The following CCL28 variants were observed in gnomAD, a reference collection of about 807,000 sequenced individuals.
The protein encoded by CCL28 is C-C motif chemokine ligand 28.
CCL28 carries 4 observed loss-of-function variants against 7.1 expected under a neutral mutation model. The observed-to-expected ratio is 0.56, with a 90% CI of 0.28 to 1.29. The LOEUF (loss-of-function observed/expected upper bound fraction) is 1.29. CCL28 is among the 50% of genes most tolerant of loss of function. The probability of loss-of-function intolerance (pLI) is 0.11; values close to 1 mark genes in which losing one functional copy is unlikely to be tolerated. For synonymous variants in CCL28, 55 were observed against 57.8 expected, an observed-to-expected ratio of 0.95 and a Z score of 0.22; for missense variants, 151 against 163.4, an observed-to-expected ratio of 0.92 and a Z score of 0.41.
At chr5:43,406,774 T>C (rs951417977) in intron 1 of CCL28, among the ~76,000 whole-genome samples, 1 of 152,242 alleles carries the variant, frequency 6.6e-6, no homozygotes, top group African/African-American at 2.4e-5. Context: ...CTCCTTAAGC[T>C]GATAAGCAAC....
In CCL28 at chr5:43,382,840, T is replaced by C. The variant is rs147036258; in HGVS notation, c.192-788A>G. 6.5e-3 allele frequency among the ~76,000 whole-genome samples: 986 copies of C among 152,148 alleles called. 4 individuals are homozygous for C. Among genetic ancestry groups the C allele is most frequent in the African/African-American group, 0.01 (432 of 41,516 alleles). Reference sequence around the variant, plus strand: ...TTCTTTTTTTTTGTTTTTGGTGAGATGGAGTTTTGCTCTTGTCACCCAGGC... The same window carrying C: ...TTCTTTTTTTTTGTTTTTGGTGAGACGGAGTTTTGCTCTTGTCACCCAGGC... On this transcript the variant is annotated intron_variant, in intron 2 of 2. Coordinates refer to ENST00000361115, the MANE Select transcript of CCL28 (RefSeq NM_148672.3).
intron 1 of CCL28, among the ~76,000 whole-genome samples, chr5:43,399,470 G>A (rs1740943271): frequency 6.6e-6 from 1 of 152,152 alleles, no homozygotes; most frequent in African/African-American, 2.4e-5. Context: ...TCTTTTGACT[G>A]TAAGCTCCCA....
At chr5:43,404,401 C>T (rs1027748326) in intron 1 of CCL28, among the ~76,000 whole-genome samples, 2 of 152,114 alleles carry the variant, frequency 1.3e-5, no homozygotes. Context: ...TCATATCCAC[C>T]CAAACTAAGC....
At chr5:43,362,345 T>C in the CCL28 span, among the ~76,000 whole-genome samples, 2 of 152,202 alleles carry the variant, frequency 1.3e-5, no homozygotes, top group East Asian at 3.8e-4. Flanking sequence ...TTTTGTGTCC[T>C]GAAACTGCTG....
downstream of CCL28, among the ~76,000 whole-genome samples, chr5:43,378,123 G>A (rs995082702): frequency 3.0e-5 from 4 of 133,358 alleles, no homozygotes; most frequent in South Asian, 2.3e-4. Flanking sequence ...TGGGAGGATC[G>A]CTTAAGCCCA....
In CCL28 at chr5:43,379,264, T is replaced by C. The variant is rs1354234779; in HGVS notation, c.*2596A>G. On this transcript the variant is annotated 3_prime_UTR_variant, in exon 3 of 3. Coordinates refer to ENST00000361115, the MANE Select transcript of CCL28 (RefSeq NM_148672.3). ...ATTTAAAATGGAAAATAATTCAAGT[T>C]GTTAGTTGAAAGAATTAGACACCAG... 1 of 152,030 alleles carries C rather than the reference T, an allele frequency of 6.6e-6. No homozygotes were observed. The highest frequency in any genetic ancestry group is 1.9e-4 in the East Asian group (1 of 5,204). The allele number at this position is 152,030 out of a possible 1,614,324, so 9.4% of individuals were successfully genotyped here.
At chr5:43,409,770 T>C (rs1283390122) in intron 1 of CCL28, among the ~76,000 whole-genome samples, 1 of 152,028 alleles carries the variant, frequency 6.6e-6, no homozygotes. Context: ...TTAATCTTAA[T>C]GTACAATAAA....
At chr5:43,409,845 GGAT>G (rs1344813324) in intron 1 of CCL28, among the ~76,000 whole-genome samples, 2 of 152,074 alleles carry the variant, frequency 1.3e-5, no homozygotes, top group Non-Finnish European at 2.9e-5. Flanking sequence ...CACCGAAACA[GGAT>G]GATAGACATG....
intron 1 of CCL28, among the ~76,000 whole-genome samples, chr5:43,410,073 C>T (rs1181873807): frequency 3.3e-5 from 5 of 152,248 alleles, no homozygotes; most frequent in Non-Finnish European, 7.3e-5. Context: ...CTTTCTGCCT[C>T]AAGGAAACAA....
intron 1 of CCL28, among the ~76,000 whole-genome samples, chr5:43,408,525 A>T (rs1741396589): frequency 6.6e-6 from 1 of 152,136 alleles, no homozygotes; most frequent in Admixed American, 6.5e-5. Flanking sequence ...GCGTTAGGAG[A>T]TATACTTATT....
chr5:43,365,825 A>G, the CCL28 span, among the ~76,000 whole-genome samples: 1 of 152,180 alleles, frequency 6.6e-6, no homozygotes. Context: ...CTTTTCATGT[A>G]GTCCCATATT....
At chr5:43,372,079 T>C (rs1409295399), downstream of CCL28, among the ~76,000 whole-genome samples, 1 of 152,130 alleles carries the variant, frequency 6.6e-6, no homozygotes, top group East Asian at 1.9e-4. Flanking sequence ...CATGGGAACT[T>C]ATTCAGTACC....
At chr5:43,407,410 T>C (rs576922035) in intron 1 of CCL28, among the ~76,000 whole-genome samples, 3 of 152,344 alleles carry the variant, frequency 2.0e-5, no homozygotes, top group Non-Finnish European at 4.4e-5. Context: ...CCCTATTTAA[T>C]AAATGGTGCT....
At chr5:43,397,218 G>C (rs914996696) in intron 1 of CCL28, 1 of 152,278 alleles carries the variant, frequency 6.6e-6, no homozygotes, top group African/African-American at 2.4e-5. Context: ...GCCTGGACCC[G>C]GGGGAGCCGG....
chr5:43,379,227 C>A lies in CCL28; in HGVS notation c.*2633G>T, dbSNP rs1335277416. On this transcript the variant is annotated 3_prime_UTR_variant, in exon 3 of 3. Transcript: ENST00000361115. ...CTTAACTTTTATTAATGTTGGTTATCACGGTTAATTAATTTAAAATGGAAA... is the reference window on the plus strand; with the variant it reads ...CTTAACTTTTATTAATGTTGGTTATAACGGTTAATTAATTTAAAATGGAAA... 2.6e-5 allele frequency: 4 copies of A among 151,232 alleles called. No homozygotes were observed. Among genetic ancestry groups the A allele is most frequent in the Non-Finnish European group, 5.9e-5 (4 of 67,914 alleles). 9.4% of individuals were successfully genotyped at this position (151,232 alleles called of 1,614,324 possible).
the CCL28 span, among the ~76,000 whole-genome samples, chr5:43,362,783 T>C: frequency 8.5e-5 from 13 of 152,194 alleles, no homozygotes; most frequent in Non-Finnish European, 1.9e-4. Flanking sequence ...CTTTTACACC[T>C]GAAAAGTAAC....
chr5:43,373,750 C>T (rs1332062836), downstream of CCL28, among the ~76,000 whole-genome samples: 1 of 152,210 alleles, frequency 6.6e-6, no homozygotes, highest in Non-Finnish European at 1.5e-5. Context: ...CCAAAACTGA[C>T]TTTTCTCACA....
In CCL28 at chr5:43,381,864, T is replaced by C. The variant is rs1363860642; in HGVS notation, c.380A>G (p.Tyr127Cys). Residue 127 changes from tyrosine to cysteine, a missense_variant, in exon 3 of 3, where the codon TAT (tyrosine) becomes TGT (cysteine). Physicochemically the swap from Tyr to Cys is radical, Grantham distance 194. Transcript: ENST00000361115. Reference sequence around the variant, plus strand: ...GTAGATTTATCTGTAGACTCTCTAATAAGGAGTTTTATGGCCGTATGTTTC... The same window carrying C: ...GTAGATTTATCTGTAGACTCTCTAACAAGGAGTTTTATGGCCGTATGTTTC... ...KHETYGHKTP[Y>C] The C allele has an allele frequency of 6.2e-7, 1 of 1,612,898 alleles. No individual in the cohort carries two copies. Among genetic ancestry groups the C allele is most frequent in the Non-Finnish European group, 8.5e-7 (1 of 1,179,146 alleles).
chr5:43,369,730 G>T, the CCL28 span, among the ~76,000 whole-genome samples: 81 of 152,222 alleles, frequency 5.3e-4, no homozygotes, highest in African/African-American at 1.9e-3. Flanking sequence ...GCCTGGCCTT[G>T]ATATATATTT....
Sources: allele counts gnomAD v4.1 joint callset (sites outside exome capture counted in the v4.1 genomes callset), GRCh38; gene constraint gnomAD v4.1.1; transcripts MANE v1.5; gene names NCBI Gene and HGNC (gene_info 2026-07-23, HGNC 2026-07-21).